The following CALN1 variants were observed in gnomAD, a reference collection of about 807,000 sequenced individuals.
CALN1 encodes calcium-binding protein 8.
Under a neutral mutation model 30.6 loss-of-function variants are expected in CALN1, and 17 were observed. The observed-to-expected ratio is 0.56, with a 90% confidence interval of 0.38 to 0.83. The LOEUF is 0.83. Among genes scored for constraint, CALN1 ranks in the 40% least tolerant of loss-of-function variants. The pLI is 0.00. For synonymous variants in CALN1, 156 were observed against 131.4 expected (o/e 1.19, Z -1.28); for missense variants, 291 against 354.9 (o/e 0.82, Z 1.45).
At chr7:72,207,513 G>A (rs570080114) in intron 3 of CALN1, among the ~76,000 whole-genome samples, 8 of 152,172 alleles carry the variant, frequency 5.3e-5, no homozygotes, top group Admixed American at 1.3e-4. Flanking sequence ...ACAGAGTCTC[G>A]CTCTGTCACC....
At chr7:72,400,993 G>A (rs1223109144) in intron 2 of CALN1, among the ~76,000 whole-genome samples, 2 of 152,114 alleles carry the variant, frequency 1.3e-5, no homozygotes, top group African/African-American at 4.8e-5. Flanking sequence ...TAACCACTCA[G>A]GCCACTGCAG....
intron 2 of CALN1, among the ~76,000 whole-genome samples, chr7:72,369,092 G>A (rs1204503498): frequency 2.0e-5 from 3 of 151,228 alleles, no homozygotes; most frequent in African/African-American, 7.3e-5. Context: ...TGTGATTACA[G>A]GCATGAGCCA....
chr7:72,401,263 A>AC (rs1267825951), intron 2 of CALN1, among the ~76,000 whole-genome samples: 1 of 151,892 alleles, frequency 6.6e-6, no homozygotes, highest in Non-Finnish European at 1.5e-5. Flanking sequence ...TTACTGCTGA[A>AC]CCTAAGGGGA....
intron 3 of CALN1, among the ~76,000 whole-genome samples, chr7:72,198,582 A>T (rs759430649): frequency 1.3e-5 from 2 of 152,002 alleles, no homozygotes; most frequent in Non-Finnish European, 1.5e-5. Flanking sequence ...CGTCTGCTAT[A>T]ACCACCCCCC....
intron 2 of CALN1, among the ~76,000 whole-genome samples, chr7:72,373,647 T>C (rs918848969): frequency 1.3e-5 from 2 of 152,190 alleles, no homozygotes; most frequent in African/African-American, 4.8e-5. Context: ...TGATGTTTGG[T>C]AGGTTAGGTA....
intron 1 of CALN1, among the ~76,000 whole-genome samples, chr7:72,408,406 C>G (rs577875461): frequency 6.6e-6 from 1 of 152,092 alleles, no homozygotes; most frequent in South Asian, 2.1e-4. Context: ...GATCACGCCA[C>G]TACACTCCAG....
chr7:72,476,263 A>G, the CALN1 span, among the ~76,000 whole-genome samples: 1 of 151,880 alleles, frequency 6.6e-6, no homozygotes, highest in Non-Finnish European at 1.5e-5. Context: ...GCTCTCTTAC[A>G]TGCCGCCACG....
chr7:72,369,363 T>TTGTTGTTGC (rs1218556315), intron 2 of CALN1, among the ~76,000 whole-genome samples: 2 of 130,010 alleles, frequency 1.5e-5, no homozygotes, highest in Non-Finnish European at 3.5e-5. Context: ...TATTTTTTTG[T>TTGTTGTTGC]TGTTGTTGTT....
At chr7:71,815,300 T>A (rs1203868778) in intron 5 of CALN1, among the ~76,000 whole-genome samples, 1 of 152,178 alleles carries the variant, frequency 6.6e-6, no homozygotes, top group Non-Finnish European at 1.5e-5. Context: ...TGTTTCCCCT[T>A]GTAGGAGAGG....
intron 3 of CALN1, among the ~76,000 whole-genome samples, chr7:72,218,182 C>T (rs1792990963): frequency 1.3e-5 from 2 of 151,794 alleles, no homozygotes; most frequent in Non-Finnish European, 2.9e-5. Flanking sequence ...GGCGCAGTGG[C>T]TCATGCTTGC....
intron 4 of CALN1, among the ~76,000 whole-genome samples, chr7:72,066,006 T>C (rs1803997696): frequency 6.6e-6 from 1 of 152,268 alleles, no homozygotes; most frequent in African/African-American, 2.4e-5. Flanking sequence ...TTCGCATTAT[T>C]GATAGTCCCA....
chr7:72,358,247 G>A (rs1362626349), intron 2 of CALN1, among the ~76,000 whole-genome samples: 2 of 151,774 alleles, frequency 1.3e-5, no homozygotes, highest in Non-Finnish European at 2.9e-5. Flanking sequence ...CTTGAGCCTT[G>A]GCCTCCCAAA....
intron 5 of CALN1, among the ~76,000 whole-genome samples, chr7:71,927,177 T>A (rs991948249): frequency 1.3e-5 from 2 of 152,206 alleles, no homozygotes; most frequent in Non-Finnish European, 1.5e-5. Context: ...GTTGTTGCTA[T>A]GGTTACCTTC....
At chr7:72,304,217 G>T (rs548198105) in intron 2 of CALN1, among the ~76,000 whole-genome samples, 1 of 152,212 alleles carries the variant, frequency 6.6e-6, no homozygotes, top group Non-Finnish European at 1.5e-5. Flanking sequence ...ATTCAATTCA[G>T]ATTGGAAAAA....
At chr7:72,026,412 C>T (rs1200246977) in intron 4 of CALN1, among the ~76,000 whole-genome samples, 1 of 152,012 alleles carries the variant, frequency 6.6e-6, no homozygotes, top group Non-Finnish European at 1.5e-5. Flanking sequence ...ATGGTGAAAC[C>T]CCATCTCTAC....
chr7:72,425,082 C>T (rs935460299), intron 1 of CALN1, among the ~76,000 whole-genome samples: 1 of 152,108 alleles, frequency 6.6e-6, no homozygotes, highest in African/African-American at 2.4e-5. Context: ...ACCTAAGGAC[C>T]TCAGAGAGGG....
intron 5 of CALN1, among the ~76,000 whole-genome samples, chr7:71,942,977 T>A (rs534122600): frequency 9.1e-4 from 139 of 152,264 alleles, no homozygotes; most frequent in African/African-American, 3.2e-3. Flanking sequence ...CCTTCCCCCG[T>A]TCCAATCTTC....
At chr7:71,840,649 A>G (rs1789886608) in intron 5 of CALN1, among the ~76,000 whole-genome samples, 1 of 152,262 alleles carries the variant, frequency 6.6e-6, no homozygotes, top group Non-Finnish European at 1.5e-5. Flanking sequence ...TCTCTTAGGC[A>G]TTGATTGAAC....
At chr7:71,868,370 C>CA (rs1562856355) in intron 5 of CALN1, among the ~76,000 whole-genome samples, 4 of 137,040 alleles carry the variant, frequency 2.9e-5, no homozygotes, top group Non-Finnish European at 3.2e-5. Flanking sequence ...GTGCTACACA[C>CA]TTTTTTTTTT....
Sources: gnomAD v4.1 joint callset for allele counts (sites outside exome capture counted in the v4.1 genomes callset) on GRCh38, gnomAD v4.1.1 for gene constraint, MANE v1.5 for transcripts, NCBI Gene and HGNC (gene_info 2026-07-23, HGNC 2026-07-21) for gene names.